The following SPMAP1 variants were observed in gnomAD, a reference collection of about 807,000 sequenced individuals.
SPMAP1 encodes the protein uncharacterized protein C17orf98.
chr17:38,837,399 G>A, the SPMAP1 span, among the ~76,000 whole-genome samples: 8 of 152,132 alleles, frequency 5.3e-5, no homozygotes, highest in Non-Finnish European at 8.8e-5. Flanking sequence ...GAACCAGACC[G>A]GGTGCAGTGG....
At chr17:38,841,372 C>A in the SPMAP1 span, 1 of 1,614,094 alleles carries the variant, frequency 6.2e-7, no homozygotes, top group African/African-American at 1.3e-5. Context: ...GCAGGCGACA[C>A]TCGCTCAGGT....
At chr17:38,840,180 G>A in the SPMAP1 span, among the ~76,000 whole-genome samples, 17 of 152,152 alleles carry the variant, frequency 1.1e-4, no homozygotes, top group African/African-American at 3.4e-4. Flanking sequence ...TCAGACCAAA[G>A]AACCCGGAGA....
the SPMAP1 span, among the ~76,000 whole-genome samples, chr17:38,840,096 G>C: frequency 3.9e-5 from 6 of 152,112 alleles, no homozygotes; most frequent in African/African-American, 1.4e-4. Context: ...TGCTGGGAAG[G>C]GGCCTACACC....
At chr17:38,841,330 C>A in the SPMAP1 span, 1 of 1,614,202 alleles carries the variant, frequency 6.2e-7, no homozygotes, top group Admixed American at 1.7e-5. Flanking sequence ...TGCTCACAGC[C>A]ACCCCGTCCA....
the SPMAP1 span, among the ~76,000 whole-genome samples, chr17:38,838,986 C>T: frequency 6.9e-6 from 1 of 144,736 alleles, no homozygotes; most frequent in Admixed American, 7.3e-5. Flanking sequence ...TTCAGGAGGC[C>T]GAGGCAGGAG....
the SPMAP1 span, among the ~76,000 whole-genome samples, chr17:38,840,054 C>T: frequency 6.6e-6 from 1 of 152,122 alleles, no homozygotes; most frequent in Non-Finnish European, 1.5e-5. Flanking sequence ...GTCTCGGAAT[C>T]TTTGATCTGG....
At chr17:38,837,023 T>C in the SPMAP1 span, 1 of 739,158 alleles carries the variant, frequency 1.4e-6, no homozygotes, top group East Asian at 2.5e-5. Flanking sequence ...TGTGGCACCA[T>C]CTGCTCATGT....
the SPMAP1 span, among the ~76,000 whole-genome samples, chr17:38,839,911 ACAC>A: frequency 2.0e-5 from 3 of 152,276 alleles, no homozygotes; most frequent in Middle Eastern, 3.4e-3. Flanking sequence ...CTATACACAC[ACAC>A]ACAAATCCCG....
the SPMAP1 span, among the ~76,000 whole-genome samples, chr17:38,839,336 C>T: frequency 1.3e-5 from 2 of 151,116 alleles, no homozygotes; most frequent in Non-Finnish European, 2.9e-5. Flanking sequence ...ATGGTGAAAC[C>T]CTGTCTCTGT....
chr17:38,838,791 A>G, the SPMAP1 span, among the ~76,000 whole-genome samples: 1 of 151,214 alleles, frequency 6.6e-6, no homozygotes, highest in Non-Finnish European at 1.5e-5. Context: ...AAAATTAGAA[A>G]GCCTTTTTCA....
At chr17:38,835,607 G>A in the SPMAP1 span, among the ~76,000 whole-genome samples, 5 of 152,234 alleles carry the variant, frequency 3.3e-5, no homozygotes, top group African/African-American at 1.2e-4. Flanking sequence ...GCTGGGACAG[G>A]AAGGGCCAGA....
At chr17:38,835,429 G>A in the SPMAP1 span, 33 of 1,428,304 alleles carry the variant, frequency 2.3e-5, no homozygotes, top group Non-Finnish European at 2.9e-5. Flanking sequence ...GGTATGGGAT[G>A]CCAACCAGGC....
the SPMAP1 span, among the ~76,000 whole-genome samples, chr17:38,835,643 T>C: frequency 1.1e-4 from 16 of 152,170 alleles, no homozygotes; most frequent in African/African-American, 3.4e-4. Flanking sequence ...AAAGCTTGCC[T>C]TTCTCCCACA....
the SPMAP1 span, among the ~76,000 whole-genome samples, chr17:38,836,872 G>A: frequency 6.6e-6 from 1 of 151,942 alleles, no homozygotes; most frequent in African/African-American, 2.4e-5. Flanking sequence ...TGGGATTACA[G>A]GCGTGAGCCA....
the SPMAP1 span, chr17:38,835,364 A>T: frequency 6.2e-7 from 1 of 1,613,754 alleles, no homozygotes. Context: ...ACAAGGAGAG[A>T]GAGGCCTGAG....
the SPMAP1 span, chr17:38,835,383 C>T: frequency 2.5e-6 from 4 of 1,609,260 alleles, no homozygotes; most frequent in Non-Finnish European, 3.4e-6. Context: ...AGCCTGCATT[C>T]AGCCCACCTC....
At chr17:38,837,522 C>T in the SPMAP1 span, among the ~76,000 whole-genome samples, 1 of 151,666 alleles carries the variant, frequency 6.6e-6, no homozygotes, top group Non-Finnish European at 1.5e-5. Context: ...ACCAAAAATA[C>T]AAAAAATTAG....
chr17:38,839,617 C>G, the SPMAP1 span, among the ~76,000 whole-genome samples: 1 of 151,984 alleles, frequency 6.6e-6, no homozygotes, highest in African/African-American at 2.4e-5. Context: ...GAAACCCCGT[C>G]TCTACTATTT....
chr17:38,837,732 C>T, the SPMAP1 span, among the ~76,000 whole-genome samples: 10 of 151,884 alleles, frequency 6.6e-5, no homozygotes, highest in South Asian at 4.2e-4. Context: ...ATTGCCTCTC[C>T]GGGAGGGGCA....
Sources: allele counts gnomAD v4.1 joint callset (sites outside exome capture counted in the v4.1 genomes callset), GRCh38; gene constraint gnomAD v4.1.1; transcripts MANE v1.5; gene names NCBI Gene and HGNC (gene_info 2026-07-23, HGNC 2026-07-21).